CIT: variants seen among roughly 807,000 people sequenced by gnomAD.
The protein encoded by CIT is citron rho-interacting serine/threonine kinase, also known as citron Rho-interacting kinase.
CIT carries 79 observed loss-of-function variants against 272.7 expected under a neutral mutation model. That is an observed-to-expected ratio of 0.29 (90% CI 0.24 to 0.35). CIT has a LOEUF of 0.35. Among genes scored for constraint, CIT ranks in the 10% least tolerant of loss-of-function variants. CIT has a pLI of 1.00. For missense variants in CIT, 1,909 were observed against 2,618.3 expected, an observed-to-expected ratio of 0.73 and a Z score of 5.91; for synonymous variants, 948 against 995.6, an observed-to-expected ratio of 0.95 and a Z score of 0.90.
chr12:119,783,115 C>T (rs1422212197), intron 12 of CIT: 1 of 152,524 alleles, frequency 6.6e-6, no homozygotes, highest in Non-Finnish European at 1.5e-5. Context: ...CTTATTTTTC[C>T]TGGACACCTT....
rs1005249923 is a variant in CIT, at chr12:119,768,187, C to T, written c.2209-1005G>A. ...TCAGCCTCCCAAAGTGCTGGGATTA[C>T]AGGCACGAGCCACCATGCCTGACCA... On this transcript the variant is annotated intron_variant, in intron 18 of 47. Transcript: ENST00000392521. The surrounding 1 kb of genome is among the most constrained non-coding windows in gnomAD (Gnocchi z 4.3). 6.6e-6 allele frequency among the ~76,000 whole-genome samples: 1 copy of T among 152,184 alleles called. No individual in the cohort carries two copies. The highest frequency in any genetic ancestry group is 1.5e-5 in the Non-Finnish European group (1 of 68,034).
At chr12:119,742,314 C>A in intron 24 of CIT, 97 bp downstream of exon 24, 2 of 850,512 alleles carry the variant, frequency 2.4e-6, no homozygotes, top group Admixed American at 3.1e-5. Context: ...AAGTTCGTAT[C>A]AAAACTCAGT....
rs76005606 is a variant in CIT, at chr12:119,700,238, C to T, written c.5623+507G>A. ...TGGGACTGTGGGCTGGTGAATCTGG[C>T]GTAGGCAGCTCTTCATCGAGCCTCA... On this transcript the variant is annotated intron_variant, in intron 44 of 47. Coordinates refer to ENST00000392521, the MANE Select transcript of CIT (RefSeq NM_001206999.2). Among the ~76,000 whole-genome samples the T allele has an allele frequency of 5.8e-3, 890 of 152,330 alleles. 12 individuals carry two copies. Among genetic ancestry groups the T allele is most frequent in the African/African-American group, 0.02 (833 of 41,568 alleles).
At chr12:119,775,049 G>T (rs1185978134) in intron 16 of CIT, among the ~76,000 whole-genome samples, 1 of 152,124 alleles carries the variant, frequency 6.6e-6, no homozygotes, top group Non-Finnish European at 1.5e-5. Flanking sequence ...TAGGCATGCA[G>T]ATCACCTGAG....
At chr12:119,731,634 G>A (rs896036674) in intron 26 of CIT, among the ~76,000 whole-genome samples, 4 of 151,120 alleles carry the variant, frequency 2.6e-5, no homozygotes, top group Non-Finnish European at 5.9e-5. Context: ...CCACACTTTG[G>A]CTTATACAAT....
chr12:119,704,035 G>A (rs539273641), intron 41 of CIT, among the ~76,000 whole-genome samples: 3 of 152,152 alleles, frequency 2.0e-5, no homozygotes, highest in South Asian at 2.1e-4. Context: ...ATCTTAGAAA[G>A]AGCCCCCCCT....
chr12:119,851,403 A>T (rs1343289851), intron 4 of CIT, among the ~76,000 whole-genome samples: 1 of 152,164 alleles, frequency 6.6e-6, no homozygotes, highest in East Asian at 1.9e-4. Flanking sequence ...CAATGTCCAG[A>T]TCTTGGCCTC....
chr12:119,781,355 A>C (rs1480965917), intron 13 of CIT, among the ~76,000 whole-genome samples: 1 of 152,252 alleles, frequency 6.6e-6, no homozygotes, highest in East Asian at 1.9e-4. Flanking sequence ...CTCCAAAGAC[A>C]GTAATTCTTT....
intron 32 of CIT, among the ~76,000 whole-genome samples, chr12:119,716,378 C>CAAAAAAAAAAAAAAAAAAAAAAAAA (rs35690078): frequency 5.6e-5 from 1 of 17,790 alleles, no homozygotes; most frequent in African/African-American, 2.0e-4. Flanking sequence ...GACTCTGTCT[C>CAAAAAAAAAAAAAAAAAAAAAAAAA]AAAAAAAAAA....
intron 32 of CIT, among the ~76,000 whole-genome samples, chr12:119,717,835 T>C (rs1048104268): frequency 1.3e-4 from 15 of 118,058 alleles, no homozygotes; most frequent in South Asian, 5.4e-4. Flanking sequence ...GACTGACTTC[T>C]TTCTTTTTTT....
chr12:119,874,330 C>T (rs972288570), intron 2 of CIT, among the ~76,000 whole-genome samples: 3 of 152,050 alleles, frequency 2.0e-5, no homozygotes, highest in Non-Finnish European at 2.9e-5. Flanking sequence ...CCTCAGCCTC[C>T]GAAAATACTG....
Position 119,834,127 on chromosome 12 carries a change from A to T in CIT, c.618T>A (p.Ile206=), listed in dbSNP as rs1968836725. 6.2e-7 allele frequency: 1 copy of T among 1,613,988 alleles called. No individual in the cohort carries two copies. The highest frequency in any genetic ancestry group is 8.5e-7 in the Non-Finnish European group (1 of 1,180,006). The change falls in exon 6 of 48, where the codon ATT becomes ATA. Residue 206 remains isoleucine (I), a synonymous_variant. Transcript: ENST00000392521. ...TCAGATGAACGCTGTGAACAGCCAA[A>T]ATCAGCTCAGCTAGGTAAAACTGTA... ...NLIQFYLAEL[I]LAVHSVHLMG... is the part of the protein sequence containing the mutation.
intron 2 of CIT, among the ~76,000 whole-genome samples, chr12:119,870,987 C>CAGGATT (rs1950658016): frequency 6.6e-6 from 1 of 151,852 alleles, no homozygotes; most frequent in African/African-American, 2.4e-5. Context: ...GGCGTGGAGG[C>CAGGATT]ACGTGCCTGT....
intron 19 of CIT, among the ~76,000 whole-genome samples, chr12:119,763,562 A>C (rs541363739): frequency 6.6e-6 from 1 of 152,306 alleles, no homozygotes; most frequent in Non-Finnish European, 1.5e-5. Flanking sequence ...ACAACCAAAA[A>C]TAACGCCAGC....
chr12:119,818,071 A>C (rs1384583413), intron 9 of CIT, among the ~76,000 whole-genome samples: 1 of 152,252 alleles, frequency 6.6e-6, no homozygotes. Context: ...GTATTGTAGA[A>C]AGAGCATGGG....
At chr12:119,747,973 G>A (rs975725088) in intron 23 of CIT, among the ~76,000 whole-genome samples, 2 of 151,916 alleles carry the variant, frequency 1.3e-5, no homozygotes, top group African/African-American at 4.8e-5. Context: ...AGACCAGCCT[G>A]GGAAACACGG....
Position 119,690,432 on chromosome 12 carries a change from G to C in CIT, c.5905C>G (p.Pro1969Ala). 1 of 1,593,298 alleles carries C rather than the reference G, an allele frequency of 6.3e-7. No individual in the cohort carries two copies. Among genetic ancestry groups the C allele is most frequent in the Admixed American group, 1.7e-5 (1 of 58,010 alleles). The change falls in exon 47 of 48, where the codon CCC becomes GCC. Residue 1969 changes from proline to alanine, a missense_variant. By Grantham distance (27) the Pro-to-Ala change is conservative. Around this residue, in one of 8 missense-constraint regions of CIT, gnomAD observed 780 missense variants for 1,067.2 expected, o/e 0.73. Transcript: ENST00000392521. This position sits in a 1 kb window ranked among gnomAD's most constrained non-coding sequence, Gnocchi z 6.0. ...TTGGTGATGTGCTCGTTGTACGTGG[G>C]TGGGCCTCGCTTGTTGGGGCTGCTG... ...SRSSPNKRGP[P>A]TYNEHITKRV...
At chr12:119,715,122 T>C (rs535219062) in intron 32 of CIT, among the ~76,000 whole-genome samples, 2 of 152,312 alleles carry the variant, frequency 1.3e-5, no homozygotes, top group South Asian at 4.1e-4. Flanking sequence ...CCCCTCTCGC[T>C]TGGTTCTTAT....
chr12:119,814,815 T>C (rs1049018370), intron 9 of CIT, among the ~76,000 whole-genome samples: 47 of 151,984 alleles, frequency 3.1e-4, no homozygotes, highest in African/African-American at 1.1e-3. Context: ...GGCGGGCGGA[T>C]TACCTGAGGT....
Sources: allele counts gnomAD v4.1 joint callset (sites outside exome capture counted in the v4.1 genomes callset), GRCh38; gene constraint gnomAD v4.1.1; regional missense constraint gnomAD v4.1.1; non-coding constraint Gnocchi (gnomAD v3.1); transcripts MANE v1.5; gene names NCBI Gene and HGNC (gene_info 2026-07-23, HGNC 2026-07-21).